The following PEAK1 variants were observed in gnomAD, a reference collection of about 807,000 sequenced individuals.
PEAK1 encodes pseudopodium enriched atypical kinase 1.
In PEAK1, 54 loss-of-function variants were observed where a neutral mutation model predicts 124.7. The observed-to-expected ratio is 0.43, with a 90% CI of 0.35 to 0.54. The LOEUF (loss-of-function observed/expected upper bound fraction) is 0.54, where lower values mean the gene tolerates loss of function less well. Ranked by LOEUF, PEAK1 falls within the 20% of genes least tolerant of loss-of-function variation. The pLI is 0.01. For missense variants in PEAK1, 2,046 were observed against 2,134.5 expected (o/e 0.96, Z 0.82); for synonymous variants, 719 against 760.0 (o/e 0.95, Z 0.89).
Position 77,109,161 on chromosome 15 carries a change from C to T in PEAK1, c.*4995G>A, listed in dbSNP as rs2050842969. On this transcript the variant is annotated 3_prime_UTR_variant, in exon 10 of 10. Coordinates refer to ENST00000682557, the MANE Select transcript of PEAK1 (RefSeq NM_001385026.1). ...AGTTCTTTAAACAAACCTATTTAAA[C>T]TACCATATCTCTTTAAAAAAATCTT... 1 of 152,144 alleles carries T rather than the reference C, an allele frequency of 6.6e-6. No homozygotes were observed. The highest frequency in any genetic ancestry group is 2.1e-4 in the South Asian group (1 of 4,824). The allele number at this position is 152,144 out of a possible 1,614,324, so 9.4% of individuals were successfully genotyped here.
At chr15:77,355,281 G>A (rs1371888465) in intron 2 of PEAK1, among the ~76,000 whole-genome samples, 1 of 151,986 alleles carries the variant, frequency 6.6e-6, no homozygotes, top group African/African-American at 2.4e-5. Flanking sequence ...ATGATCTCCT[G>A]GATCAGCAAG....
chr15:77,263,011 C>A (rs1337499819), intron 5 of PEAK1, among the ~76,000 whole-genome samples: 1 of 152,094 alleles, frequency 6.6e-6, no homozygotes, highest in Admixed American at 6.6e-5. Flanking sequence ...CTACTGGGTA[C>A]ATAATGAAAT....
intron 2 of PEAK1, among the ~76,000 whole-genome samples, chr15:77,309,069 A>G (rs1041948952): frequency 2.6e-5 from 4 of 152,108 alleles, no homozygotes. Context: ...TTTGCTGCAT[A>G]TAAAATAATT....
chr15:77,153,261 TC>T (rs941223067), intron 8 of PEAK1, among the ~76,000 whole-genome samples: 1 of 152,236 alleles, frequency 6.6e-6, no homozygotes, highest in African/African-American at 2.4e-5. Context: ...TTCTAGGTTT[TC>T]CAGTTTATTT....
intron 5 of PEAK1, among the ~76,000 whole-genome samples, chr15:77,272,766 C>T (rs1011541407): frequency 1.2e-4 from 18 of 150,556 alleles, no homozygotes; most frequent in African/African-American, 1.9e-4. Context: ...TCTATGAAGC[C>T]GGTATCACCC....
intron 5 of PEAK1, among the ~76,000 whole-genome samples, chr15:77,261,179 G>A (rs544733944): frequency 6.6e-6 from 1 of 152,144 alleles, no homozygotes; most frequent in African/African-American, 2.4e-5. Context: ...GGAAAAAACA[G>A]AGCAGAAACA....
intron 6 of PEAK1, among the ~76,000 whole-genome samples, chr15:77,210,654 C>CAG (rs1030548939): frequency 7.2e-5 from 11 of 152,248 alleles, no homozygotes; most frequent in African/African-American, 2.2e-4. Context: ...CAGAGGTGGG[C>CAG]AGATCACCTG....
intron 1 of PEAK1, among the ~76,000 whole-genome samples, chr15:77,405,346 G>A (rs1472977663): frequency 6.6e-6 from 1 of 152,124 alleles, no homozygotes; most frequent in Non-Finnish European, 1.5e-5. Context: ...ACACAAAAAG[G>A]CTGAGGAGAA....
intron 8 of PEAK1, among the ~76,000 whole-genome samples, chr15:77,139,521 A>G (rs2053603189): frequency 6.6e-6 from 1 of 152,104 alleles, no homozygotes; most frequent in Non-Finnish European, 1.5e-5. Context: ...GTGATGTCAC[A>G]ATGGCTATGT....
chr15:77,181,209 C>T lies in PEAK1; in HGVS notation c.718G>A (p.Val240Ile), dbSNP rs56129428. ...TCCTCCTCCATGTTACTGAAAAGTACATCCTCTTCACTCTCCTCGCCACTG... is the reference window on the plus strand; with the variant it reads ...TCCTCCTCCATGTTACTGAAAAGTATATCCTCTTCACTCTCCTCGCCACTG... ...FSSGEESEED[V>I]LFSNMEEEHE... Residue 240 changes from valine to isoleucine, a missense_variant, in exon 7 of 10, where the codon GTA (valine) becomes ATA (isoleucine). By Grantham distance (29) the Val-to-Ile change is conservative. Coordinates refer to ENST00000682557, the MANE Select transcript of PEAK1 (RefSeq NM_001385026.1). 3.7e-5 allele frequency: 59 copies of T among 1,613,864 alleles called. 1 individual carries two copies. Among genetic ancestry groups the T allele is most frequent in the Admixed American group, 1.5e-4 (9 of 59,988 alleles).
intron 1 of PEAK1, among the ~76,000 whole-genome samples, chr15:77,410,645 C>A (rs2072331835): frequency 6.6e-6 from 1 of 152,134 alleles, no homozygotes; most frequent in South Asian, 2.1e-4. Context: ...ATTTGAATAT[C>A]CACTACTTGT....
intron 2 of PEAK1, among the ~76,000 whole-genome samples, chr15:77,291,388 CAT>C (rs879864806): frequency 1.3e-5 from 2 of 152,042 alleles, no homozygotes; most frequent in Non-Finnish European, 2.9e-5. Context: ...TCTCCTCACA[CAT>C]AAACACTATT....
intron 1 of PEAK1, among the ~76,000 whole-genome samples, chr15:77,398,292 G>C (rs2071070396): frequency 6.6e-6 from 1 of 151,756 alleles, no homozygotes; most frequent in Non-Finnish European, 1.5e-5. Context: ...ACCACACAAA[G>C]ACACATTTAA....
At chr15:77,226,044 G>GATATATATAATAAATAT (rs57675196) in intron 6 of PEAK1, among the ~76,000 whole-genome samples, 30 of 44,986 alleles carry the variant, frequency 6.7e-4, no homozygotes, top group Non-Finnish European at 9.6e-5. Context: ...AAAATAAAGG[G>GATATATATAATAAATAT]ATATATATAT....
upstream of PEAK1, chr15:77,420,701 C>T (rs540757731): frequency 1.3e-5 from 5 of 395,474 alleles, no homozygotes; most frequent in African/African-American, 2.1e-5. Flanking sequence ...AGTCCTTCGC[C>T]GCATTGGGGC....
Position 77,286,515 on chromosome 15 carries a change from A to G in PEAK1, c.-602-11T>C. 1 of 1,206,686 alleles carries G rather than the reference A, an allele frequency of 8.3e-7. No homozygotes were observed. 74.7% of individuals were successfully genotyped at this position (1,206,686 alleles called of 1,614,324 possible). A position where few individuals can be genotyped will look rare whatever the true frequency, so the allele number is the denominator to read the frequency against. On this transcript the variant is annotated splice_polypyrimidine_tract_variant and intron_variant, in intron 2 of 9. Coordinates refer to ENST00000682557, the MANE Select transcript of PEAK1 (RefSeq NM_001385026.1). ...TCAAGTATTCTTTTCCTATTAGAAG[A>G]TGCAAAGTGGGGAAGATATATTAAT...
chr15:77,186,513 C>T (rs569158734), intron 6 of PEAK1, among the ~76,000 whole-genome samples: 5 of 152,272 alleles, frequency 3.3e-5, no homozygotes, highest in Non-Finnish European at 7.4e-5. Context: ...ATATGACATT[C>T]GTTTACAAGT....
intron 1 of PEAK1, among the ~76,000 whole-genome samples, chr15:77,382,725 G>A (rs1484848771): frequency 1.3e-5 from 2 of 152,038 alleles, no homozygotes; most frequent in Non-Finnish European, 2.9e-5. Context: ...TTTTGTCTAA[G>A]AATCCTCGGT....
At chr15:77,420,835 G>T (rs1447823688), upstream of PEAK1, 1 of 398,664 alleles carries the variant, frequency 2.5e-6, no homozygotes, top group Non-Finnish European at 4.4e-6. Flanking sequence ...AAGAGATTAG[G>T]TAAAGAAAAG....
Sources: gnomAD v4.1 joint callset for allele counts (sites outside exome capture counted in the v4.1 genomes callset) on GRCh38, gnomAD v4.1.1 for gene constraint, MANE v1.5 for transcripts, NCBI Gene and HGNC (gene_info 2026-07-23, HGNC 2026-07-21) for gene names.